The following GALNT1 variants were observed in gnomAD, a reference collection of about 807,000 sequenced individuals.
GALNT1 encodes the protein polypeptide N-acetylgalactosaminyltransferase 1, also known as GalNAc transferase 1.
Under a neutral mutation model 65.7 loss-of-function variants are expected in GALNT1, and 17 were observed. The observed-to-expected ratio is 0.26, with a 90% CI of 0.18 to 0.39. The LOEUF is 0.39. Ranked by LOEUF, GALNT1 falls within the 10% of genes least tolerant of loss-of-function variation. GALNT1 has a pLI of 1.00. For missense variants in GALNT1, 460 were observed against 672.8 expected, an observed-to-expected ratio of 0.68 and a Z score of 3.50; for synonymous variants, 210 against 219.7, an observed-to-expected ratio of 0.96 and a Z score of 0.39.
At chr18:35,597,593 T>C (rs1181302210) in intron 1 of GALNT1, 2 of 152,658 alleles carry the variant, frequency 1.3e-5, no homozygotes, top group African/African-American at 2.4e-5. Context: ...TCTTGTGATA[T>C]AGGCAGCTTG....
At chr18:35,644,087 A>C (rs1046342708) in intron 1 of GALNT1, among the ~76,000 whole-genome samples, 4 of 152,184 alleles carry the variant, frequency 2.6e-5, no homozygotes, top group African/African-American at 7.2e-5. Context: ...ATTTTATAGG[A>C]GTTTATTTAC....
chr18:35,656,797 G>A (rs16966977), intron 2 of GALNT1, among the ~76,000 whole-genome samples: 14,524 of 152,188 alleles, frequency 0.095, 837 homozygotes, highest in African/African-American at 0.17. Context: ...GGAAGAGGAC[G>A]AGGCAGGTAG....
Position 35,658,683 on chromosome 18 carries a change from G to A in GALNT1, c.139+3882G>A, listed in dbSNP as rs1205944923. ...GCCAACTTTCTAGTGGAATTAGCATGTACATTATGTGACCTCAAAGTTTCT... is the reference window on the plus strand; with the variant it reads ...GCCAACTTTCTAGTGGAATTAGCATATACATTATGTGACCTCAAAGTTTCT... On this transcript the variant is annotated intron_variant, in intron 2 of 11. Coordinates refer to ENST00000269195, the MANE Select transcript of GALNT1 (RefSeq NM_020474.4). 4.0e-5 allele frequency among the ~76,000 whole-genome samples: 6 copies of A among 150,834 alleles called. No individual in the cohort carries two copies. The East Asian group carries it at 1.2e-3, about 29-fold the overall frequency.
intron 1 of GALNT1, among the ~76,000 whole-genome samples, chr18:35,638,177 C>T (rs2047116723): frequency 6.6e-6 from 1 of 152,098 alleles, no homozygotes; most frequent in Non-Finnish European, 1.5e-5. Flanking sequence ...TTTTGACTGT[C>T]AAGTCTTATT....
chr18:35,703,109 T>C, intron 10 of GALNT1, 114 bp downstream of exon 10: 1 of 621,428 alleles, frequency 1.6e-6, no homozygotes. Context: ...AAAGAGAAAA[T>C]AATAAAGACT....
intron 1 of GALNT1, among the ~76,000 whole-genome samples, chr18:35,648,356 G>C (rs769138): frequency 0.095 from 14,515 of 152,196 alleles, 837 homozygotes; most frequent in African/African-American, 0.17. Flanking sequence ...AGTGTTCTGA[G>C]CACATTTAAG....
intron 1 of GALNT1, among the ~76,000 whole-genome samples, chr18:35,640,452 C>G (rs757525382): frequency 8.5e-5 from 13 of 152,088 alleles, no homozygotes; most frequent in Non-Finnish European, 1.6e-4. Context: ...TAGGAAAGGT[C>G]TAAATAAATG....
chr18:35,701,457 A>G (rs1598812137), intron 9 of GALNT1, among the ~76,000 whole-genome samples: 1 of 152,196 alleles, frequency 6.6e-6, no homozygotes, highest in Admixed American at 6.5e-5. Context: ...GGTGTGCTTT[A>G]TGCAAATTGG....
chr18:35,613,750 T>C (rs1033952313), intron 1 of GALNT1, among the ~76,000 whole-genome samples: 3 of 152,070 alleles, frequency 2.0e-5, no homozygotes, highest in Admixed American at 6.6e-5. Context: ...GTAGGGAGCA[T>C]AGGAACAAGG....
chr18:35,640,580 A>C (rs1206445401), intron 1 of GALNT1, among the ~76,000 whole-genome samples: 1 of 152,206 alleles, frequency 6.6e-6, no homozygotes, highest in Non-Finnish European at 1.5e-5. Context: ...TTTTGGGTTA[A>C]AAAGTTGATT....
At chr18:35,605,045 A>G (rs971332286) in intron 1 of GALNT1, among the ~76,000 whole-genome samples, 1 of 152,190 alleles carries the variant, frequency 6.6e-6, no homozygotes, top group Non-Finnish European at 1.5e-5. Flanking sequence ...CCCATGCAAA[A>G]TATCTGGTTA....
intron 1 of GALNT1, among the ~76,000 whole-genome samples, chr18:35,631,092 C>G (rs528919395): frequency 6.6e-6 from 1 of 152,058 alleles, no homozygotes; most frequent in African/African-American, 2.4e-5. Flanking sequence ...AGTCCAGAAC[C>G]GGCAGATTCA....
intron 2 of GALNT1, among the ~76,000 whole-genome samples, chr18:35,656,582 G>A (rs747869651): frequency 1.4e-4 from 21 of 152,224 alleles, no homozygotes; most frequent in Non-Finnish European, 2.4e-4. Context: ...TGCAAGATTA[G>A]CAAGTGAGAA....
intron 3 of GALNT1, among the ~76,000 whole-genome samples, chr18:35,668,255 G>A (rs972365761): frequency 6.6e-6 from 1 of 151,890 alleles, no homozygotes; most frequent in Non-Finnish European, 1.5e-5. Context: ...AAAAGTTCAT[G>A]GGAAAAAATG....
Position 35,683,430 on chromosome 18 carries a change from T to C in GALNT1, c.521T>C (p.Leu174Pro). The change falls in exon 5 of 12, where the codon CTA (leucine) becomes CCA (proline). Residue 174 changes from leucine (L) to proline (P), a missense_variant. Physicochemically the swap from Leu to Pro is moderately conservative, Grantham distance 98 (BLOSUM62 -3). Coordinates refer to ENST00000269195, the MANE Select transcript of GALNT1 (RefSeq NM_020474.4). ...CCTTTAGAGAGTTATGTGAAAAAACTAAAAGTACCAGTTCATGTAATTCGA... is the reference window on the plus strand; with the variant it reads ...CCTTTAGAGAGTTATGTGAAAAAACCAAAAGTACCAGTTCATGTAATTCGA... ...KRPLESYVKK[L>P]KVPVHVIRME... is the part of the protein sequence containing the mutation. The C allele has an allele frequency of 6.2e-7, 1 of 1,613,588 alleles. No individual in the cohort carries two copies. Among genetic ancestry groups the C allele is most frequent in the Non-Finnish European group, 8.5e-7 (1 of 1,179,742 alleles).
In GALNT1 at chr18:35,646,302, A is replaced by G. The variant is rs377287572; in HGVS notation, c.-103-8258A>G. 4.6e-5 allele frequency among the ~76,000 whole-genome samples: 7 copies of G among 152,268 alleles called. No individual in the cohort carries two copies. In the South Asian group the frequency reaches 1.0e-3, roughly 23 times the overall value. On this transcript the variant is annotated intron_variant, in intron 1 of 11. Transcript: ENST00000269195. ...TACCTCCCACCAGGTCCCTTCCCCAATACTGGGGATTACCATTCAACATGA... is the reference window on the plus strand; with the variant it reads ...TACCTCCCACCAGGTCCCTTCCCCAGTACTGGGGATTACCATTCAACATGA...
At chr18:35,663,281 T>G (rs1297985537) in intron 2 of GALNT1, among the ~76,000 whole-genome samples, 1 of 152,082 alleles carries the variant, frequency 6.6e-6, no homozygotes, top group Admixed American at 6.5e-5. Context: ...TTTGGAAAAT[T>G]AGGTTCAATT....
intron 1 of GALNT1, among the ~76,000 whole-genome samples, chr18:35,634,956 C>G (rs2047070315): frequency 6.6e-6 from 1 of 152,106 alleles, no homozygotes; most frequent in South Asian, 2.1e-4. Context: ...TATTATCATT[C>G]AGCTTTTGAC....
intron 1 of GALNT1, among the ~76,000 whole-genome samples, chr18:35,628,769 G>C (rs547770734): frequency 1.2e-4 from 18 of 152,276 alleles, no homozygotes; most frequent in African/African-American, 4.3e-4. Flanking sequence ...AAACTTCTCC[G>C]AGCTAAAGGA....
Sources: gnomAD v4.1 joint callset for allele counts (sites outside exome capture counted in the v4.1 genomes callset) on GRCh38, gnomAD v4.1.1 for gene constraint, MANE v1.5 for transcripts, NCBI Gene and HGNC (gene_info 2026-07-23, HGNC 2026-07-21) for gene names.